LHFPL3: variants seen among roughly 807,000 people sequenced by gnomAD.
LHFPL3 encodes LHFPL tetraspan subfamily member 3, also known as LHFPL tetraspan subfamily member 3 protein.
Under a neutral mutation model 19.3 loss-of-function variants are expected in LHFPL3, and 5 were observed. The ratio of observed to expected loss-of-function variants is 0.26; its 90% confidence interval spans 0.14 to 0.54. The LOEUF (loss-of-function observed/expected upper bound fraction) is 0.54. Ranked by LOEUF, LHFPL3 falls within the 20% of genes least tolerant of loss-of-function variation. The pLI, the probability that LHFPL3 is intolerant of heterozygous loss-of-function variation, is 0.94. For synonymous variants in LHFPL3, 133 were observed against 126.2 expected (o/e 1.05, Z -0.36); for missense variants, 249 against 307.4 (o/e 0.81, Z 1.42).
At chr7:104,631,819 C>A (rs111461281) in intron 1 of LHFPL3, among the ~76,000 whole-genome samples, 2 of 152,164 alleles carry the variant, frequency 1.3e-5, no homozygotes, top group South Asian at 4.1e-4. Context: ...GGGGCATAGA[C>A]AAGACCTAGC....
chr7:104,796,286 G>A (rs540121311), intron 2 of LHFPL3, among the ~76,000 whole-genome samples: 1 of 152,302 alleles, frequency 6.6e-6, no homozygotes, highest in East Asian at 1.9e-4. Flanking sequence ...CAACCATTGT[G>A]TAGGGAAGAC....
At chr7:104,381,735 C>A (rs190126535) in intron 1 of LHFPL3, among the ~76,000 whole-genome samples, 29 of 152,208 alleles carry the variant, frequency 1.9e-4, no homozygotes, top group African/African-American at 7.0e-4. Context: ...CCTGATGAAT[C>A]TCTAATCATC....
intron 1 of LHFPL3, among the ~76,000 whole-genome samples, chr7:104,566,766 A>G (rs1378118751): frequency 4.6e-5 from 7 of 152,192 alleles, no homozygotes; most frequent in African/African-American, 1.4e-4. Context: ...ACTACACAAG[A>G]TTGAGCTAGC....
At chr7:104,352,107 G>A (rs1790188784) in intron 1 of LHFPL3, among the ~76,000 whole-genome samples, 3 of 151,762 alleles carry the variant, frequency 2.0e-5, no homozygotes, top group East Asian at 3.9e-4. Context: ...GGAGGCTGTG[G>A]TGAGCTATGA....
chr7:104,762,226 G>C (rs965476610), intron 2 of LHFPL3, among the ~76,000 whole-genome samples: 1 of 152,108 alleles, frequency 6.6e-6, no homozygotes, highest in Non-Finnish European at 1.5e-5. Context: ...GATGTAGGTA[G>C]GAAGGAAGTA....
rs1026823447 is a variant in LHFPL3 at position 104,558,797 on chromosome 7, GT to G, written c.446-177873del. Among the ~76,000 whole-genome samples the G allele has an allele frequency of 2.9e-4, 42 of 145,934 alleles. 2 individuals are homozygous for G. Among genetic ancestry groups the G allele is most frequent in the African/African-American group, 8.8e-4 (32 of 36,458 alleles). The stretch of plus-strand genomic sequence containing the variant: ...GGTATTGCCTAGGTTTTCTTCTAGG[GT>G]TTTTATGGTTTTAGGTCTAACGTTT... On this transcript the variant is annotated intron_variant, in intron 1 of 2. Coordinates refer to ENST00000424859, the MANE Select transcript of LHFPL3 (RefSeq NM_199000.3).
At chr7:104,567,129 CTTTCACTTAACTTTTGTGAAAGCAGAG>C (rs1790139298) in intron 1 of LHFPL3, among the ~76,000 whole-genome samples, 1 of 152,204 alleles carries the variant, frequency 6.6e-6, no homozygotes, top group South Asian at 2.1e-4. Context: ...ATGGTACTGT[CTTTCACTTAACTTTTGTGAAAGCAGAG>C]TTTCCAATGT....
chr7:104,520,223 G>T (rs1794028379), intron 1 of LHFPL3, among the ~76,000 whole-genome samples: 1 of 152,012 alleles, frequency 6.6e-6, no homozygotes, highest in Non-Finnish European at 1.5e-5. Flanking sequence ...TTTTGTCTTT[G>T]CTTCTGTTTA....
At chr7:104,696,352 G>A (rs1792995962) in intron 1 of LHFPL3, among the ~76,000 whole-genome samples, 1 of 152,206 alleles carries the variant, frequency 6.6e-6, no homozygotes, top group Admixed American at 6.5e-5. Flanking sequence ...CAAAGTACCA[G>A]TGTCTAATGT....
rs377585531 is a variant in LHFPL3, at chr7:104,384,816, A to G, written c.445+55592A>G. On this transcript the variant is annotated intron_variant, in intron 1 of 2. Transcript: ENST00000424859. Reference sequence around the variant, plus strand: ...AAAAAAAAAAAAAAAAAAAAAGAAGAATGAATATATCAAAAGAGGGGCTGT... The same window carrying G: ...AAAAAAAAAAAAAAAAAAAAAGAAGGATGAATATATCAAAAGAGGGGCTGT... 5.0e-4 allele frequency among the ~76,000 whole-genome samples: 76 copies of G among 150,814 alleles called. 1 individual carries two copies. The highest frequency in any genetic ancestry group is 1.9e-3 in the South Asian group (9 of 4,768).
At chr7:104,449,323 T>G (rs1792386521) in intron 1 of LHFPL3, among the ~76,000 whole-genome samples, 1 of 152,240 alleles carries the variant, frequency 6.6e-6, no homozygotes, top group Non-Finnish European at 1.5e-5. Flanking sequence ...CTGCTAGGCC[T>G]TGGTGTAAAA....
chr7:104,905,441 G>A (rs1562831812), intron 2 of LHFPL3, among the ~76,000 whole-genome samples: 1 of 152,094 alleles, frequency 6.6e-6, no homozygotes, highest in African/African-American at 2.4e-5. Flanking sequence ...CATGCTGATG[G>A]TGGGGCACAG....
chr7:104,641,333 C>G (rs911865265), intron 1 of LHFPL3, among the ~76,000 whole-genome samples: 1 of 152,186 alleles, frequency 6.6e-6, no homozygotes, highest in Non-Finnish European at 1.5e-5. Flanking sequence ...CTCACTTAAA[C>G]GAGACCAGTC....
chr7:104,540,224 A>G (rs551808937), intron 1 of LHFPL3, among the ~76,000 whole-genome samples: 14 of 152,252 alleles, frequency 9.2e-5, no homozygotes, highest in African/African-American at 3.4e-4. Context: ...CTCAGCTAAA[A>G]TCCATGGAGG....
intron 1 of LHFPL3, among the ~76,000 whole-genome samples, chr7:104,482,249 A>G (rs1793152185): frequency 6.6e-6 from 1 of 152,108 alleles, no homozygotes; most frequent in South Asian, 2.1e-4. Flanking sequence ...CACTTCCCTC[A>G]ATTCCTTACA....
intron 2 of LHFPL3, among the ~76,000 whole-genome samples, chr7:104,772,304 A>T (rs1458456470): frequency 1.3e-5 from 2 of 152,192 alleles, no homozygotes; most frequent in African/African-American, 4.8e-5. Context: ...AAAGGAAGTG[A>T]CTTGCCAAAA....
intron 2 of LHFPL3, chr7:104,802,775 C>A (rs1292255492): frequency 6.6e-6 from 1 of 152,276 alleles, no homozygotes; most frequent in African/African-American, 2.4e-5. Flanking sequence ...AGCTGTCTCA[C>A]ATCTAAGTTC....
chr7:104,607,048 G>A (rs988727771), intron 1 of LHFPL3, among the ~76,000 whole-genome samples: 1 of 152,218 alleles, frequency 6.6e-6, no homozygotes, highest in East Asian at 1.9e-4. Context: ...CTGACCACGT[G>A]ACTCCTGAGC....
intron 1 of LHFPL3, among the ~76,000 whole-genome samples, chr7:104,705,200 T>A (rs1023374692): frequency 2.0e-5 from 3 of 152,232 alleles, no homozygotes; most frequent in African/African-American, 7.2e-5. Flanking sequence ...AACAATTGTT[T>A]AATATAAAAA....
Sources: allele counts gnomAD v4.1 joint callset (sites outside exome capture counted in the v4.1 genomes callset), GRCh38; gene constraint gnomAD v4.1.1; transcripts MANE v1.5; gene names NCBI Gene and HGNC (gene_info 2026-07-23, HGNC 2026-07-21).